Variants in KIZ observed in about 807,000 individuals in gnomAD.
The protein encoded by KIZ is centrosomal protein kizuna.
In KIZ, 68 loss-of-function variants were observed where a neutral mutation model predicts 79.6. That is an observed-to-expected ratio of 0.85 (90% CI 0.70 to 1.05). The LOEUF is 1.05. Ranked by LOEUF, KIZ falls within the 50% of genes least tolerant of loss-of-function variation. The pLI is 0.00. For synonymous variants in KIZ, 280 were observed against 281.8 expected (o/e 0.99, Z 0.06); for missense variants, 797 against 800.4 (o/e 1.00, Z 0.05).
intron 10 of KIZ, among the ~76,000 whole-genome samples, chr20:21,232,208 G>A (rs1041806772): frequency 2.0e-5 from 3 of 152,230 alleles, no homozygotes; most frequent in African/African-American, 4.8e-5. Context: ...AAGAGGTGGA[G>A]TGTGCATCCT....
chr20:21,162,839 G>T lies in KIZ; in HGVS notation c.1043-11G>T, dbSNP rs188225182. 79 of 1,605,228 alleles carry T rather than the reference G, an allele frequency of 4.9e-5. 2 individuals carry two copies. The Middle Eastern group carries it at 6.7e-4, about 14-fold the overall frequency. ...CAGTGATTGGTAATCAGTTCATGTCGCCACTTGCAGATCATCTTGCTCACA... is the reference window on the plus strand; with the variant it reads ...CAGTGATTGGTAATCAGTTCATGTCTCCACTTGCAGATCATCTTGCTCACA... On this transcript the variant is annotated splice_polypyrimidine_tract_variant and intron_variant, in intron 5 of 12. Transcript: ENST00000619189.
At chr20:21,127,509 A>C (rs1310113673) in intron 1 of KIZ, among the ~76,000 whole-genome samples, 1 of 152,234 alleles carries the variant, frequency 6.6e-6, no homozygotes, top group Non-Finnish European at 1.5e-5. Context: ...ATTAACACTT[A>C]TTTAATTATT....
chr20:21,128,244 C>G (rs2031610348), intron 1 of KIZ, among the ~76,000 whole-genome samples: 2 of 152,176 alleles, frequency 1.3e-5, no homozygotes, highest in Non-Finnish European at 1.5e-5. Context: ...AACCCCTGAC[C>G]TCAGGTGATC....
chr20:21,208,881 G>A (rs1034200586), intron 7 of KIZ, among the ~76,000 whole-genome samples: 3 of 152,090 alleles, frequency 2.0e-5, no homozygotes, highest in African/African-American at 7.2e-5. Flanking sequence ...ATACTTTTCC[G>A]ATTAGTGAAA....
At chr20:21,149,961 AAGAT>A (rs1568922133) in intron 4 of KIZ, among the ~76,000 whole-genome samples, 1 of 152,198 alleles carries the variant, frequency 6.6e-6, no homozygotes. Flanking sequence ...AAAAGAGAGG[AAGAT>A]GGCATGGGGA....
At chr20:21,169,171 T>C (rs956461702) in intron 6 of KIZ, among the ~76,000 whole-genome samples, 12 of 152,110 alleles carry the variant, frequency 7.9e-5, no homozygotes, top group Non-Finnish European at 1.5e-4. Context: ...AGAAAATTTT[T>C]GCAACCTACT....
chr20:21,196,625 C>T (rs1328319415), intron 6 of KIZ: 1 of 152,192 alleles, frequency 6.6e-6, no homozygotes, highest in East Asian at 1.9e-4. Context: ...TCAGATAGGC[C>T]TGAAGTCTGG....
chr20:21,134,828 G>A (rs564653056), intron 2 of KIZ, among the ~76,000 whole-genome samples: 33 of 151,792 alleles, frequency 2.2e-4, no homozygotes, highest in South Asian at 4.2e-4. Flanking sequence ...CACCACACCC[G>A]GCTAATTTTT....
At chr20:21,173,968 C>T (rs1187019562) in intron 6 of KIZ, among the ~76,000 whole-genome samples, 3 of 152,154 alleles carry the variant, frequency 2.0e-5, no homozygotes, top group African/African-American at 7.2e-5. Context: ...CATGACTCCA[C>T]ATTCAGGGTC....
chr20:21,216,613 T>C (rs181860210), intron 9 of KIZ, among the ~76,000 whole-genome samples: 3 of 152,384 alleles, frequency 2.0e-5, no homozygotes, highest in Admixed American at 2.0e-4. Context: ...ACCAATGATA[T>C]GTTTATTGTG....
chr20:21,170,733 A>G (rs868014308), intron 6 of KIZ, among the ~76,000 whole-genome samples: 4 of 151,982 alleles, frequency 2.6e-5, no homozygotes, highest in Middle Eastern at 6.8e-3. Context: ...ATCTTTTTGT[A>G]TCCGTTAACC....
At chr20:21,220,544 C>T (rs753047636) in intron 9 of KIZ, among the ~76,000 whole-genome samples, 1 of 152,064 alleles carries the variant, frequency 6.6e-6, no homozygotes, top group African/African-American at 2.4e-5. Context: ...AGTGCGGTGG[C>T]ACGATCTTGG....
chr20:21,162,604 G>T, intron 5 of KIZ, 97 bp downstream of exon 5: 2 of 995,950 alleles, frequency 2.0e-6, no homozygotes, highest in Non-Finnish European at 1.4e-6. Flanking sequence ...TCATAAAATA[G>T]TATCTTTGCC....
Position 21,162,390 on chromosome 20 carries a change from A to G in KIZ, c.925A>G (p.Ile309Val), listed in dbSNP as rs181816823. Residue 309 changes from isoleucine to valine, a missense_variant, in exon 5 of 13, where the codon ATT (isoleucine) becomes GTT (valine). Coordinates refer to ENST00000619189, the MANE Select transcript of KIZ (RefSeq NM_018474.6). ...SEGEILTREH[I>V]EVEEKRASPP... ...GGGAGAAATACTGACACGGGAACAT[A>G]TTGAAGTTGAGGAAAAAAGAGCCAG... 15 of 1,613,674 alleles carry G rather than the reference A, an allele frequency of 9.3e-6. No individual in the cohort carries two copies. The highest frequency in any genetic ancestry group is 2.7e-5 in the African/African-American group (2 of 75,044).
At chr20:21,168,255 A>G (rs187475860) in intron 6 of KIZ, among the ~76,000 whole-genome samples, 112 of 152,070 alleles carry the variant, frequency 7.4e-4, no homozygotes, top group Non-Finnish European at 1.2e-3. Flanking sequence ...TGAACTCATC[A>G]TTTTTTATGG....
intron 4 of KIZ, among the ~76,000 whole-genome samples, chr20:21,153,639 G>C (rs553397089): frequency 6.6e-6 from 1 of 152,230 alleles, no homozygotes; most frequent in African/African-American, 2.4e-5. Flanking sequence ...AAACTGGGTG[G>C]CTTAAACAAC....
At chr20:21,239,428 G>A (rs112579738) in intron 11 of KIZ, among the ~76,000 whole-genome samples, 18 of 152,276 alleles carry the variant, frequency 1.2e-4, no homozygotes, top group African/African-American at 3.4e-4. Flanking sequence ...CTGCTGGCTC[G>A]CTCTGTGTGT....
intron 6 of KIZ, among the ~76,000 whole-genome samples, chr20:21,183,199 T>G (rs1317253241): frequency 6.6e-6 from 1 of 152,192 alleles, no homozygotes; most frequent in Non-Finnish European, 1.5e-5. Flanking sequence ...ACTGGTGGGT[T>G]AAAATGGGAA....
intron 3 of KIZ, among the ~76,000 whole-genome samples, chr20:21,139,664 G>T (rs1270335889): frequency 6.6e-6 from 1 of 151,892 alleles, no homozygotes; most frequent in Non-Finnish European, 1.5e-5. Context: ...GAATTTGAAG[G>T]GAAGAATCAT....
Sources: allele counts gnomAD v4.1 joint callset (sites outside exome capture counted in the v4.1 genomes callset), GRCh38; gene constraint gnomAD v4.1.1; transcripts MANE v1.5; gene names NCBI Gene and HGNC (gene_info 2026-07-23, HGNC 2026-07-21).